Variants in ABI2 observed in about 807,000 individuals in gnomAD.
ABI2 encodes the protein abl interactor 2.
ABI2 carries 25 observed loss-of-function variants against 59.2 expected under a neutral mutation model. That is an observed-to-expected ratio of 0.42 (90% CI 0.31 to 0.59). ABI2 has a LOEUF of 0.59. ABI2 is among the 20% of genes least tolerant of loss of function. The pLI is 0.14. For missense variants in ABI2, 545 were observed against 681.8 expected, an observed-to-expected ratio of 0.80 and a Z score of 2.23; for synonymous variants, 213 against 235.5, an observed-to-expected ratio of 0.90 and a Z score of 0.87.
intron 1 of ABI2, among the ~76,000 whole-genome samples, chr2:203,362,929 C>G (rs995175102): frequency 5.3e-5 from 8 of 152,100 alleles, no homozygotes; most frequent in African/African-American, 1.9e-4. Flanking sequence ...CTCCTGAGTT[C>G]AAGTGATTCT....
chr2:203,392,216 T>C (rs930291932), intron 5 of ABI2, among the ~76,000 whole-genome samples: 1 of 151,976 alleles, frequency 6.6e-6, no homozygotes, highest in African/African-American at 2.4e-5. Context: ...CTTTATGATA[T>C]ATGCTAAACA....
intron 9 of ABI2, among the ~76,000 whole-genome samples, chr2:203,410,428 C>T (rs1340463735): frequency 6.6e-6 from 1 of 151,444 alleles, no homozygotes; most frequent in Admixed American, 6.6e-5. Flanking sequence ...TTTTTTTTGC[C>T]GCTTTAGTTT....
chr2:203,368,143 T>G (rs1318364802), intron 2 of ABI2, among the ~76,000 whole-genome samples: 2 of 152,238 alleles, frequency 1.3e-5, no homozygotes, highest in Non-Finnish European at 2.9e-5. Context: ...ATAAACATTC[T>G]CAGTGGCTGC....
At chr2:203,394,257 A>G (rs1352726831) in intron 5 of ABI2, 1 of 159,776 alleles carries the variant, frequency 6.3e-6, no homozygotes. Flanking sequence ...GGGGTTATAG[A>G]TCCTAAATCT....
chr2:203,367,079 G>T, intron 2 of ABI2, 35 bp downstream of exon 2: 1 of 1,586,508 alleles, frequency 6.3e-7, no homozygotes, highest in South Asian at 1.2e-5. Context: ...TGCCTATGAG[G>T]AACCCTTAAT....
intron 1 of ABI2, among the ~76,000 whole-genome samples, chr2:203,339,017 A>G (rs1461124075): frequency 8.3e-6 from 1 of 120,402 alleles, no homozygotes; most frequent in Non-Finnish European, 1.6e-5. Context: ...TAAAGGATTC[A>G]TACAACTTAA....
intron 10 of ABI2, among the ~76,000 whole-genome samples, chr2:203,413,775 AT>A (rs2097774479): frequency 6.6e-6 from 1 of 152,200 alleles, no homozygotes. Flanking sequence ...ATTCTTTGGA[AT>A]TATCTTCAAA....
intron 1 of ABI2, among the ~76,000 whole-genome samples, chr2:203,362,734 G>A (rs956459535): frequency 2.0e-5 from 3 of 151,690 alleles, no homozygotes; most frequent in African/African-American, 7.3e-5. Context: ...TCCATGTCGG[G>A]CAGGCCGGTC....
At chr2:203,379,531 G>A (rs1481060197) in intron 2 of ABI2, among the ~76,000 whole-genome samples, 1 of 152,104 alleles carries the variant, frequency 6.6e-6, no homozygotes, top group African/African-American at 2.4e-5. Context: ...GAGCCACTGT[G>A]CCTGGCTTTA....
At chr2:203,353,064 C>T (rs936456820) in intron 1 of ABI2, among the ~76,000 whole-genome samples, 29 of 152,162 alleles carry the variant, frequency 1.9e-4, no homozygotes, top group African/African-American at 6.8e-4. Flanking sequence ...GTGATGTTTG[C>T]ACAGTGACAG....
chr2:203,401,502 T>A (rs1334760773), intron 8 of ABI2, among the ~76,000 whole-genome samples: 1 of 152,134 alleles, frequency 6.6e-6, no homozygotes, highest in Non-Finnish European at 1.5e-5. Context: ...GATTATATTA[T>A]TAGGAAACTG....
At chr2:203,365,622 CTTTTTTTTTTTT>C (rs71007507) in intron 1 of ABI2, among the ~76,000 whole-genome samples, 681 of 64,018 alleles carry the variant, frequency 0.011, 16 homozygotes, top group African/African-American at 0.038. Context: ...GGGCTGTTAT[CTTTTTTTTTTTT>C]TTTTTTTTTT....
chr2:203,402,795 A>G, intron 9 of ABI2, 61 bp downstream of exon 9: 1 of 1,399,294 alleles, frequency 7.1e-7, no homozygotes, highest in Non-Finnish European at 9.5e-7. Context: ...CTTCAACTAC[A>G]AAAAACCCTT....
At chr2:203,353,538 G>A (rs1669023984) in intron 1 of ABI2, among the ~76,000 whole-genome samples, 2 of 152,144 alleles carry the variant, frequency 1.3e-5, no homozygotes, top group African/African-American at 4.8e-5. Flanking sequence ...GGAGTGCAGT[G>A]GCATGGTCTT....
At chr2:203,368,023 G>T (rs749630077) in intron 2 of ABI2, among the ~76,000 whole-genome samples, 89 of 152,108 alleles carry the variant, frequency 5.9e-4, no homozygotes, top group Non-Finnish European at 1.2e-3. Context: ...ATAAAAAAAA[G>T]TAGCCAGGAT....
At chr2:203,371,316 CTG>C (rs1430631064) in intron 2 of ABI2, among the ~76,000 whole-genome samples, 1 of 152,184 alleles carries the variant, frequency 6.6e-6, no homozygotes, top group African/African-American at 2.4e-5. Context: ...TGACTGTACT[CTG>C]TATCGGGGAG....
intron 1 of ABI2, among the ~76,000 whole-genome samples, chr2:203,344,246 T>C (rs918288209): frequency 6.6e-6 from 1 of 152,214 alleles, no homozygotes; most frequent in Non-Finnish European, 1.5e-5. Flanking sequence ...CCATTAATAA[T>C]ATTCATAGAA....
chr2:203,355,029 G>A (rs916225718), intron 1 of ABI2: 1 of 241,858 alleles, frequency 4.1e-6, no homozygotes, highest in Non-Finnish European at 9.1e-6. Context: ...TGGATTGTCT[G>A]GATTGTTAAC....
chr2:203,339,626 C>T (rs2078743880), intron 1 of ABI2, among the ~76,000 whole-genome samples: 1 of 151,770 alleles, frequency 6.6e-6, no homozygotes, highest in Non-Finnish European at 1.5e-5. Context: ...ACCCAGTTCT[C>T]CCTAAAATTA....
Sources: allele counts gnomAD v4.1 joint callset (sites outside exome capture counted in the v4.1 genomes callset), GRCh38; gene constraint gnomAD v4.1.1; transcripts MANE v1.5; gene names NCBI Gene and HGNC (gene_info 2026-07-23, HGNC 2026-07-21).